WDR7: variants seen among roughly 807,000 people sequenced by gnomAD.
The protein encoded by WDR7 is WD repeat-containing protein 7.
Under a neutral mutation model 169.4 loss-of-function variants are expected in WDR7, and 46 were observed. The observed-to-expected ratio is 0.27, with a 90% CI of 0.21 to 0.35. The LOEUF (loss-of-function observed/expected upper bound fraction) is 0.35, where lower values mean the gene tolerates loss of function less well. WDR7 is among the 10% of genes least tolerant of loss of function. The probability of loss-of-function intolerance (pLI) is 1.00; values close to 1 mark genes in which losing one functional copy is unlikely to be tolerated. For synonymous variants in WDR7, 612 were observed against 666.8 expected (o/e 0.92, Z 1.27); for missense variants, 1,534 against 1,859.3 (o/e 0.83, Z 3.22).
intron 18 of WDR7, among the ~76,000 whole-genome samples, chr18:56,780,218 A>G (rs2044296116): frequency 6.6e-6 from 1 of 152,230 alleles, no homozygotes; most frequent in Admixed American, 6.5e-5. Flanking sequence ...TATATTAGAT[A>G]TTACTTGGAA....
intron 14 of WDR7, among the ~76,000 whole-genome samples, chr18:56,748,360 T>C (rs1309184228): frequency 3.3e-5 from 5 of 152,156 alleles, no homozygotes; most frequent in African/African-American, 9.6e-5. Flanking sequence ...ATCAATCTCT[T>C]TTGTGCTGCT....
At chr18:56,661,087 C>T (rs189176216) in intron 1 of WDR7, among the ~76,000 whole-genome samples, 3 of 152,278 alleles carry the variant, frequency 2.0e-5, no homozygotes, top group African/African-American at 7.2e-5. Flanking sequence ...TTTGGGGAAG[C>T]ATGTTTGTTT....
At chr18:56,847,556 A>G (rs1032627801) in intron 20 of WDR7, among the ~76,000 whole-genome samples, 4 of 152,172 alleles carry the variant, frequency 2.6e-5, no homozygotes, top group Non-Finnish European at 5.9e-5. Flanking sequence ...AATATCCAAG[A>G]CAATGGGAAA....
At position 56,822,384 on chromosome 18, in the gene WDR7, G is replaced by A. The variant is rs183312928; in HGVS notation, c.3304+6240G>A. On this transcript the variant is annotated intron_variant, in intron 20 of 27. Transcript: ENST00000254442. ...ATTTTAAAATAGAACTGAAAAAGAT[G>A]TCTAGTCTGAGACTAAATATTGATT... Among the ~76,000 whole-genome samples the A allele has an allele frequency of 4.0e-3, 610 of 152,228 alleles. 3 individuals carry two copies. Among genetic ancestry groups the A allele is most frequent in the African/African-American group, 0.014 (579 of 41,530 alleles).
intron 27 of WDR7, among the ~76,000 whole-genome samples, chr18:57,024,479 C>T (rs2048329911): frequency 6.6e-6 from 1 of 151,938 alleles, no homozygotes; most frequent in African/African-American, 2.4e-5. Context: ...ACATGGGGGT[C>T]TTTATCGTTC....
At chr18:56,897,512 A>G (rs2046346105) in intron 21 of WDR7, among the ~76,000 whole-genome samples, 1 of 47,552 alleles carries the variant, frequency 2.1e-5, no homozygotes, top group Non-Finnish European at 5.6e-5. Flanking sequence ...AAAGCTAGGG[A>G]ATGAAACCAC....
At chr18:56,705,980 A>C (rs1370506082) in intron 12 of WDR7, among the ~76,000 whole-genome samples, 2 of 152,254 alleles carry the variant, frequency 1.3e-5, no homozygotes, top group Non-Finnish European at 2.9e-5. Flanking sequence ...CCTGGGCGAC[A>C]GAGGGAGATG....
intron 16 of WDR7, among the ~76,000 whole-genome samples, chr18:56,762,544 A>T (rs932923667): frequency 6.6e-6 from 1 of 152,076 alleles, no homozygotes; most frequent in Non-Finnish European, 1.5e-5. Flanking sequence ...TTTCAAATAT[A>T]TTGACATTTG....
intron 26 of WDR7, among the ~76,000 whole-genome samples, chr18:56,988,638 T>C (rs1480147729): frequency 6.8e-6 from 1 of 147,936 alleles, no homozygotes; most frequent in East Asian, 2.0e-4. Flanking sequence ...TGTGTGTGTA[T>C]AGAGTCGTCG....
intron 21 of WDR7, among the ~76,000 whole-genome samples, chr18:56,894,017 A>G (rs866888425): frequency 5.7e-4 from 86 of 151,854 alleles, no homozygotes; most frequent in African/African-American, 1.9e-3. Flanking sequence ...ATGCTTATTC[A>G]TTTTTTCCAG....
intron 1 of WDR7, among the ~76,000 whole-genome samples, chr18:56,654,909 T>G (rs1364708405): frequency 6.6e-6 from 1 of 152,250 alleles, no homozygotes; most frequent in Non-Finnish European, 1.5e-5. Context: ...GGCATCTTTC[T>G]TCCCTTTTCC....
At chr18:56,715,548 C>T (rs1370962568) in intron 12 of WDR7, among the ~76,000 whole-genome samples, 3 of 152,014 alleles carry the variant, frequency 2.0e-5, no homozygotes, top group African/African-American at 7.2e-5. Flanking sequence ...AAAGTAGGGT[C>T]AGTGGCCAGG....
chr18:56,919,785 A>G (rs1170356314), intron 21 of WDR7, among the ~76,000 whole-genome samples: 2 of 152,302 alleles, frequency 1.3e-5, no homozygotes, highest in South Asian at 2.1e-4. Context: ...CAGAAATTCT[A>G]TGATTCTAAT....
At chr18:56,924,155 T>A (rs1381357469) in intron 22 of WDR7, 47 bp downstream of exon 22, 2 of 1,598,950 alleles carry the variant, frequency 1.3e-6, no homozygotes, top group Non-Finnish European at 1.7e-6. Context: ...TTTTTTGTTT[T>A]AGGGGTTTTT....
At chr18:57,023,522 TA>T (rs1167025697) in intron 27 of WDR7, among the ~76,000 whole-genome samples, 2 of 152,244 alleles carry the variant, frequency 1.3e-5, no homozygotes, top group Non-Finnish European at 2.9e-5. Flanking sequence ...TGATGAATTA[TA>T]GCTGTGTTTC....
chr18:56,849,844 A>T (rs951446672), intron 20 of WDR7, among the ~76,000 whole-genome samples: 3 of 152,156 alleles, frequency 2.0e-5, no homozygotes, highest in Non-Finnish European at 4.4e-5. Flanking sequence ...AGTAGCTGGG[A>T]CTACAGGTGC....
chr18:56,718,318 A>G lies in WDR7; in HGVS notation c.1774+159A>G, dbSNP rs369190576. ...TAAGTGGCCTCTTTTTTGTTCTGCT[A>G]TGCCAAATGTTTGTAGAATATTTCA... On this transcript the variant is annotated intron_variant, in intron 13 of 27. Coordinates refer to ENST00000254442, the MANE Select transcript of WDR7 (RefSeq NM_015285.3). Among the ~76,000 whole-genome samples the G allele has an allele frequency of 4.0e-4, 61 of 152,296 alleles. No homozygotes were observed. In the East Asian group the frequency reaches 4.4e-3, roughly 11 times the overall value.
At chr18:56,774,385 T>G (rs1018845239) in intron 16 of WDR7, among the ~76,000 whole-genome samples, 2 of 152,130 alleles carry the variant, frequency 1.3e-5, no homozygotes, top group Admixed American at 1.3e-4. Flanking sequence ...CACCTGTCTT[T>G]TCTTATGAGA....
intron 26 of WDR7, among the ~76,000 whole-genome samples, chr18:56,964,894 T>G (rs982393998): frequency 6.6e-6 from 1 of 152,214 alleles, no homozygotes; most frequent in Non-Finnish European, 1.5e-5. Flanking sequence ...TTACCAGTTA[T>G]ATCCAGTGAC....
Sources: gnomAD v4.1 joint callset for allele counts (sites outside exome capture counted in the v4.1 genomes callset) on GRCh38, gnomAD v4.1.1 for gene constraint, MANE v1.5 for transcripts, NCBI Gene and HGNC (gene_info 2026-07-23, HGNC 2026-07-21) for gene names.